TRPM3: variants seen among roughly 807,000 people sequenced by gnomAD.
TRPM3 encodes the protein transient receptor potential cation channel subfamily M member 3, also known as long transient receptor potential channel 3.
In TRPM3, 77 loss-of-function variants were observed where a neutral mutation model predicts 181.2. That is an observed-to-expected ratio of 0.42 (90% CI 0.35 to 0.51). The LOEUF (loss-of-function observed/expected upper bound fraction) is 0.51. TRPM3 is among the 20% of genes least tolerant of loss of function. TRPM3 has a pLI of 0.01. For synonymous variants in TRPM3, 745 were observed against 796.4 expected, an observed-to-expected ratio of 0.94 and a Z score of 1.09; for missense variants, 1,759 against 2,196.7, an observed-to-expected ratio of 0.80 and a Z score of 3.98.
chr9:71,357,679 G>C (rs901057354), intron 1 of TRPM3, among the ~76,000 whole-genome samples: 5 of 151,710 alleles, frequency 3.3e-5, no homozygotes, highest in Non-Finnish European at 5.9e-5. Context: ...TGCTCACTGG[G>C]ATGATATTCT....
At chr9:71,111,102 A>G (rs1000283405) in intron 1 of TRPM3, among the ~76,000 whole-genome samples, 4 of 152,206 alleles carry the variant, frequency 2.6e-5, no homozygotes, top group Non-Finnish European at 5.9e-5. Context: ...TGGAACATTC[A>G]AACATTTTCA....
chr9:70,911,950 C>G (rs1280883122), intron 1 of TRPM3, among the ~76,000 whole-genome samples: 1 of 152,108 alleles, frequency 6.6e-6, no homozygotes, highest in Non-Finnish European at 1.5e-5. Flanking sequence ...CTGGACTTGA[C>G]CTGGATAAAG....
chr9:71,189,516 C>A (rs2077881097), intron 1 of TRPM3, among the ~76,000 whole-genome samples: 3 of 151,754 alleles, frequency 2.0e-5, no homozygotes, highest in Non-Finnish European at 4.4e-5. Context: ...TATTTGCATG[C>A]TGAAACTATC....
At chr9:70,684,814 A>G (rs972047302) in intron 8 of TRPM3, among the ~76,000 whole-genome samples, 7 of 152,140 alleles carry the variant, frequency 4.6e-5, no homozygotes, top group African/African-American at 1.7e-4. Flanking sequence ...GGATTTTTGC[A>G]ATGATGTTTG....
intron 1 of TRPM3, among the ~76,000 whole-genome samples, chr9:71,107,371 A>G (rs1197419643): frequency 6.6e-6 from 1 of 152,096 alleles, no homozygotes; most frequent in Non-Finnish European, 1.5e-5. Context: ...TACTCAGCTC[A>G]AGGGTTATCT....
intron 1 of TRPM3, among the ~76,000 whole-genome samples, chr9:71,323,292 C>A (rs917797145): frequency 2.0e-5 from 3 of 152,116 alleles, no homozygotes; most frequent in African/African-American, 7.2e-5. Context: ...ATACCAGCTG[C>A]CAAATGCTTC....
chr9:70,627,670 T>C (rs566026300), intron 12 of TRPM3, among the ~76,000 whole-genome samples: 1 of 152,250 alleles, frequency 6.6e-6, no homozygotes, highest in South Asian at 2.1e-4. Flanking sequence ...CATGGTAGGC[T>C]TGGGCATCTA....
intron 19 of TRPM3, among the ~76,000 whole-genome samples, chr9:70,606,227 C>A (rs1485272357): frequency 2.6e-5 from 4 of 152,214 alleles, no homozygotes; most frequent in Non-Finnish European, 5.9e-5. Context: ...TATCTCCCAA[C>A]ACACTGTAGA....
intron 1 of TRPM3, among the ~76,000 whole-genome samples, 154 bp from the exon 2 acceptor site, chr9:70,864,665 C>T (rs2095608591): frequency 6.6e-6 from 1 of 151,230 alleles, no homozygotes. Context: ...CACACATAAA[C>T]ACTAAATATA....
At chr9:71,026,238 G>T (rs984360593) in intron 1 of TRPM3, among the ~76,000 whole-genome samples, 35 of 152,192 alleles carry the variant, frequency 2.3e-4, no homozygotes, top group African/African-American at 7.7e-4. Flanking sequence ...CTGCAGGGCA[G>T]TCTTGCGCAT....
chr9:71,324,835 G>A (rs766818645), intron 1 of TRPM3, among the ~76,000 whole-genome samples: 1 of 152,018 alleles, frequency 6.6e-6, no homozygotes, highest in Non-Finnish European at 1.5e-5. Flanking sequence ...GGAATAGGAG[G>A]TCATTATCTT....
intron 10 of TRPM3, among the ~76,000 whole-genome samples, chr9:70,639,857 G>T (rs2057786224): frequency 6.6e-6 from 1 of 152,142 alleles, no homozygotes; most frequent in African/African-American, 2.4e-5. Context: ...GAAGACAGGG[G>T]CTCCATCCCA....
chr9:71,368,573 C>A (rs1355395662), intron 1 of TRPM3, among the ~76,000 whole-genome samples: 5 of 113,302 alleles, frequency 4.4e-5, no homozygotes, highest in African/African-American at 1.1e-4. Flanking sequence ...AAAAAGTGAT[C>A]TGAAAAAAAA....
At chr9:70,993,768 G>C (rs1298906078) in intron 1 of TRPM3, among the ~76,000 whole-genome samples, 1 of 130,804 alleles carries the variant, frequency 7.6e-6, no homozygotes, top group Non-Finnish European at 1.6e-5. Flanking sequence ...CTGGGCGACA[G>C]AGTGAGATTC....
intron 1 of TRPM3, among the ~76,000 whole-genome samples, chr9:70,984,585 C>A (rs7857162): frequency 6.6e-6 from 1 of 152,016 alleles, no homozygotes; most frequent in African/African-American, 2.4e-5. Context: ...GGCCAGTGAC[C>A]AGAAAACAGA....
intron 3 of TRPM3, among the ~76,000 whole-genome samples, chr9:70,861,579 A>G (rs1158279487): frequency 5.3e-5 from 8 of 152,196 alleles, no homozygotes; most frequent in South Asian, 2.1e-4. Flanking sequence ...GACAACTCGC[A>G]TGACTTTTAA....
intron 7 of TRPM3, among the ~76,000 whole-genome samples, chr9:70,782,209 TC>T (rs2082612622): frequency 6.9e-6 from 1 of 145,242 alleles, no homozygotes; most frequent in Admixed American, 6.9e-5. Context: ...ATTTTTTTTT[TC>T]TTTTTTTTTT....
intron 6 of TRPM3, among the ~76,000 whole-genome samples, chr9:70,816,527 A>G (rs2092705482): frequency 1.3e-5 from 2 of 152,136 alleles, no homozygotes; most frequent in East Asian, 3.9e-4. Flanking sequence ...TTTCCAGGAT[A>G]GATTTGAGAG....
chr9:70,674,143 T>C (rs2063527667), intron 9 of TRPM3, among the ~76,000 whole-genome samples: 4 of 152,114 alleles, frequency 2.6e-5, no homozygotes, highest in African/African-American at 9.7e-5. Flanking sequence ...CAGCAAGTCT[T>C]GTACACATAA....
Sources: gnomAD v4.1 joint callset for allele counts (sites outside exome capture counted in the v4.1 genomes callset) on GRCh38, gnomAD v4.1.1 for gene constraint, MANE v1.5 for transcripts, NCBI Gene and HGNC (gene_info 2026-07-23, HGNC 2026-07-21) for gene names.